Variants in PRDM16 observed in about 807,000 individuals in gnomAD.
The protein encoded by PRDM16 is histone-lysine N-methyltransferase PRDM16.
PRDM16 carries 23 observed loss-of-function variants against 110.6 expected under a neutral mutation model. The ratio of observed to expected loss-of-function variants is 0.21; its 90% CI spans 0.15 to 0.29. The LOEUF is 0.29. Among genes scored for constraint, PRDM16 ranks in the 10% least tolerant of loss-of-function variants. PRDM16 has a pLI of 1.00. For synonymous variants in PRDM16, 799 were observed against 781.8 expected (o/e 1.02, Z -0.37); for missense variants, 1,615 against 1,794.3 (o/e 0.90, Z 1.81).
chr1:3,306,195 A>T (rs983146065), intron 3 of PRDM16, among the ~76,000 whole-genome samples: 1 of 152,218 alleles, frequency 6.6e-6, no homozygotes, highest in Non-Finnish European at 1.5e-5. Flanking sequence ...CAGCAAAGAG[A>T]TGGGACCTGC....
chr1:3,115,613 C>T (rs560127120), intron 1 of PRDM16, among the ~76,000 whole-genome samples: 1 of 152,294 alleles, frequency 6.6e-6, no homozygotes, highest in African/African-American at 2.4e-5. Flanking sequence ...TGAGTGAAGC[C>T]GAGAGGGGGC....
At position 3,425,362 on chromosome 1, in the gene PRDM16, A is replaced by C. The variant is rs1160323210; in HGVS notation, c.2940-219A>C. 3.9e-6 allele frequency: 2 copies of C among 516,782 alleles called. No individual in the cohort carries two copies. Among genetic ancestry groups the C allele is most frequent in the East Asian group, 6.5e-5 (2 of 30,678 alleles). The allele number at this position is 516,782 out of a possible 1,614,324, so 32.0% of individuals were successfully genotyped here. A position where few individuals can be genotyped will look rare whatever the true frequency, so the allele number is the denominator to read the frequency against. ...CAAAGTGCTGTGATTATAGGCGTGA[A>C]CCCCTGCTTCTTGAAGCCGGGGCTG... On this transcript the variant is annotated intron_variant, in intron 12 of 16. Transcript: ENST00000270722. The surrounding 1 kb of genome is among the most constrained non-coding windows in gnomAD (Gnocchi z 6.9).
chr1:3,141,014 T>C (rs1340823064), intron 1 of PRDM16, among the ~76,000 whole-genome samples: 2 of 152,152 alleles, frequency 1.3e-5, no homozygotes, highest in Non-Finnish European at 2.9e-5. Flanking sequence ...GTCCCTGGGT[T>C]TTATCAACAT....
Position 3,245,890 on chromosome 1 carries a change from C to T in PRDM16, c.438+1753C>T, listed in dbSNP as rs565252120. ...CCTGAAATCACTGGGTTTTCCACCC[C>T]GATGCGTCCCTGGACCGTCTGACAT... On this transcript the variant is annotated intron_variant, in intron 3 of 16. Coordinates refer to ENST00000270722, the MANE Select transcript of PRDM16 (RefSeq NM_022114.4). This position sits in a 1 kb window ranked among gnomAD's most constrained non-coding sequence, Gnocchi z 4.7. 7.0e-4 allele frequency among the ~76,000 whole-genome samples: 106 copies of T among 152,282 alleles called. No homozygotes were observed. Among genetic ancestry groups the T allele is most frequent in the South Asian group, 5.8e-3 (28 of 4,820 alleles).
chr1:3,106,278 A>G (rs572451059), intron 1 of PRDM16, among the ~76,000 whole-genome samples: 1 of 152,200 alleles, frequency 6.6e-6, no homozygotes, highest in Non-Finnish European at 1.5e-5. Context: ...GGGGTGTCCA[A>G]CCTGGAAGCT....
intron 16 of PRDM16, among the ~76,000 whole-genome samples, chr1:3,432,896 A>T (rs1396564056): frequency 6.6e-6 from 1 of 152,198 alleles, no homozygotes; most frequent in African/African-American, 2.4e-5. Context: ...GGGCAGAAGG[A>T]TGTCCCATGA....
At chr1:3,414,429 G>A (rs1380051047) in intron 9 of PRDM16, 131 bp from the exon 10 acceptor site, 9 of 675,808 alleles carry the variant, frequency 1.3e-5, no homozygotes, top group Admixed American at 4.9e-5. Flanking sequence ...GGGCAGCCAC[G>A]GCGAGGTCCA....
chr1:3,416,939 G>GT (rs1638281099), intron 10 of PRDM16, among the ~76,000 whole-genome samples: 1 of 152,238 alleles, frequency 6.6e-6, no homozygotes, highest in Non-Finnish European at 1.5e-5. Flanking sequence ...CTCCACTGAG[G>GT]TCAGCTCCAA....
intron 3 of PRDM16, chr1:3,309,027 C>G (rs757066917): frequency 2.0e-5 from 3 of 152,232 alleles, no homozygotes; most frequent in Non-Finnish European, 2.9e-5. Flanking sequence ...CTGGCTCCTC[C>G]TTGGGAAAGG....
intron 1 of PRDM16, among the ~76,000 whole-genome samples, chr1:3,168,902 G>A (rs906682512): frequency 6.6e-6 from 1 of 152,176 alleles, no homozygotes; most frequent in South Asian, 2.1e-4. Flanking sequence ...CCTGGAGCCA[G>A]GTGGTTGCTG....
intron 1 of PRDM16, among the ~76,000 whole-genome samples, chr1:3,070,938 C>G (rs1167392204): frequency 5.9e-5 from 9 of 152,360 alleles, no homozygotes; most frequent in Non-Finnish European, 4.4e-5. Flanking sequence ...CCTCTGACCC[C>G]TCTTGGTGCG....
In PRDM16 at chr1:3,412,699, C is replaced by A. The variant is rs115226069; in HGVS notation, c.2502C>A (p.Gly834=). The A allele has an allele frequency of 6.7e-7, 1 of 1,494,008 alleles. No individual in the cohort carries two copies. Among genetic ancestry groups the A allele is most frequent in the Non-Finnish European group, 8.9e-7 (1 of 1,121,636 alleles). The allele number at this position is 1,494,008 out of a possible 1,614,324, so 92.5% of individuals were successfully genotyped here. A position where few individuals can be genotyped will look rare whatever the true frequency, so the allele number is the denominator to read the frequency against. The part of the protein sequence containing the change: ...KNHVYGERKL[G]AGEGLPQVCP... ...ACGTCTATGGGGAACGCAAGCTGGG[C>A]GCCGGCGAGGGGCTGCCCCAGGTGT... is the stretch of plus-strand genomic sequence containing the variant. Residue 834 remains glycine (G), a synonymous_variant, in exon 9 of 17, where the codon GGC becomes GGA. Coordinates refer to ENST00000270722, the MANE Select transcript of PRDM16 (RefSeq NM_022114.4).
intron 1 of PRDM16, among the ~76,000 whole-genome samples, chr1:3,137,831 C>T (rs1324424379): frequency 3.3e-5 from 5 of 152,226 alleles, no homozygotes; most frequent in East Asian, 1.9e-4. Flanking sequence ...CTCGCTTGTC[C>T]GGAGGTCCCT....
At chr1:3,161,156 G>A (rs1643893639) in intron 1 of PRDM16, among the ~76,000 whole-genome samples, 1 of 152,180 alleles carries the variant, frequency 6.6e-6, no homozygotes, top group Non-Finnish European at 1.5e-5. Context: ...GGTGAGGGAG[G>A]CGAGCAGGAA....
intron 1 of PRDM16, among the ~76,000 whole-genome samples, chr1:3,167,243 A>G (rs1005414983): frequency 6.6e-6 from 1 of 152,162 alleles, no homozygotes; most frequent in African/African-American, 2.4e-5. Context: ...TTCAGCCTGT[A>G]CACAAAGCCC....
intron 3 of PRDM16, among the ~76,000 whole-genome samples, chr1:3,373,361 C>A (rs1180115106): frequency 3.3e-5 from 5 of 152,144 alleles, no homozygotes; most frequent in Non-Finnish European, 5.9e-5. Flanking sequence ...CGTGCCTTTG[C>A]GGTGACCCAC....
chr1:3,078,365 G>A (rs1424037765), intron 1 of PRDM16, among the ~76,000 whole-genome samples: 2 of 152,210 alleles, frequency 1.3e-5, no homozygotes, highest in African/African-American at 4.8e-5. Flanking sequence ...CACAGACTCT[G>A]TGTCCTCACT....
intron 1 of PRDM16, among the ~76,000 whole-genome samples, chr1:3,181,618 G>T (rs1490101430): frequency 5.3e-5 from 7 of 132,162 alleles, no homozygotes; most frequent in Non-Finnish European, 1.1e-4. Flanking sequence ...TCTTACACAC[G>T]GTCTTACACA....
chr1:3,186,500 T>C, intron 2 of PRDM16, 26 bp downstream of exon 2: 1 of 1,350,804 alleles, frequency 7.4e-7, no homozygotes, highest in Non-Finnish European at 1.0e-6. Flanking sequence ...TGAGTATGAT[T>C]GATCACGGCC....
Sources: allele counts gnomAD v4.1 joint callset (sites outside exome capture counted in the v4.1 genomes callset), GRCh38; gene constraint gnomAD v4.1.1; non-coding constraint Gnocchi (gnomAD v3.1); transcripts MANE v1.5; gene names NCBI Gene and HGNC (gene_info 2026-07-23, HGNC 2026-07-21).